CALR3: variants seen among roughly 807,000 people sequenced by gnomAD.
The protein encoded by CALR3 is calreticulin 3.
Under a neutral mutation model 48.7 loss-of-function variants are expected in CALR3, and 39 were observed. The ratio of observed to expected loss-of-function variants is 0.80; its 90% CI spans 0.62 to 1.05. The LOEUF is 1.05. Among genes scored for constraint, CALR3 ranks in the 50% least tolerant of loss-of-function variants. CALR3 has a pLI of 0.00. For missense variants in CALR3, 449 were observed against 474.7 expected (o/e 0.95, Z 0.50); for synonymous variants, 185 against 172.7 (o/e 1.07, Z -0.56).
chr19:16,486,541 A>C (rs539453084), intron 3 of CALR3, among the ~76,000 whole-genome samples: 18 of 149,704 alleles, frequency 1.2e-4, no homozygotes, highest in African/African-American at 4.2e-4. Flanking sequence ...AATGGCTTGA[A>C]CCTGGGAGGC....
intron 5 of CALR3, 112 bp from the exon 6 acceptor site, chr19:16,482,897 T>G: frequency 2.0e-6 from 2 of 983,560 alleles, no homozygotes; most frequent in Non-Finnish European, 3.1e-6. Context: ...CAGGCTGGAG[T>G]GCGGTTGTGC....
intron 3 of CALR3, among the ~76,000 whole-genome samples, chr19:16,487,282 C>G (rs924074433): frequency 6.6e-6 from 1 of 151,944 alleles, no homozygotes; most frequent in Admixed American, 6.6e-5. Flanking sequence ...AGGTCGAGAC[C>G]AGCCTGTCCA....
Position 16,480,600 on chromosome 19 carries a change from C to T in CALR3, c.1011+14G>A, listed in dbSNP as rs771528466. On this transcript the variant is annotated intron_variant, in intron 8 of 8. Coordinates refer to ENST00000269881, the MANE Select transcript of CALR3 (RefSeq NM_145046.5). ...AAATAGTGATGTAGGAAGAGTTAAT[C>T]ACGTGCTTCATACCTTGGTTTCGCC... 3 of 1,559,124 alleles carry T rather than the reference C, an allele frequency of 1.9e-6. No individual in the cohort carries two copies. Among genetic ancestry groups the T allele is most frequent in the Non-Finnish European group, 2.7e-6 (3 of 1,129,962 alleles).
intron 3 of CALR3, among the ~76,000 whole-genome samples, chr19:16,488,863 T>G (rs562197047): frequency 6.6e-6 from 1 of 152,306 alleles, no homozygotes; most frequent in East Asian, 1.9e-4. Context: ...GCAGGCTTTT[T>G]CTATAAAGGC....
At chr19:16,490,617 A>C in intron 2 of CALR3, 47 bp from the exon 3 acceptor site, 1 of 1,527,752 alleles carries the variant, frequency 6.5e-7, no homozygotes, top group Non-Finnish European at 9.1e-7. Flanking sequence ...ACGCTGCGCT[A>C]AGTAACGCAG....
In CALR3 at chr19:16,484,157, ATTTCTTTTTTCTTTTCT is replaced by A. The variant is rs770798077; in HGVS notation, c.493-59_493-43del. 2.5e-3 allele frequency: 3,411 copies of A among 1,382,568 alleles called. 43 individuals are homozygous for A. Among genetic ancestry groups the A allele is most frequent in the South Asian group, 7.6e-3 (594 of 77,790 alleles). The allele number at this position is 1,382,568 out of a possible 1,614,324, so 85.6% of individuals were successfully genotyped here. A position where few individuals can be genotyped will look rare whatever the true frequency, so the allele number is the denominator to read the frequency against. ...GAAAAGCGTAACAATTAAATCCTCA[ATTTCTTTTTTCTTTTCT>A]TTTCTTTTTTTTTTTTTTTTTGAGA... On this transcript the variant is annotated intron_variant, in intron 4 of 8. Transcript: ENST00000269881.
chr19:16,494,171 C>T (rs2093402166), intron 2 of CALR3, among the ~76,000 whole-genome samples: 1 of 152,230 alleles, frequency 6.6e-6, no homozygotes, highest in East Asian at 1.9e-4. Context: ...AACGATTCTT[C>T]TGCCTCAGCC....
chr19:16,495,638 T>C (rs2122153474), intron 2 of CALR3, 113 bp downstream of exon 2: 1 of 777,470 alleles, frequency 1.3e-6, no homozygotes, highest in Non-Finnish European at 2.3e-6. Context: ...TTTGCCTTAA[T>C]GTCTTCATCT....
intron 3 of CALR3, among the ~76,000 whole-genome samples, chr19:16,486,613 C>T (rs1185869768): frequency 3.9e-5 from 3 of 76,718 alleles, no homozygotes; most frequent in African/African-American, 5.0e-5. Context: ...GAGCAAGATT[C>T]TATCTCAAAA....
intron 4 of CALR3, 96 bp from the exon 5 acceptor site, chr19:16,484,211 TCTGTCG>T: frequency 8.4e-7 from 1 of 1,197,290 alleles, no homozygotes; most frequent in Non-Finnish European, 1.2e-6. Flanking sequence ...GGAGTCTCAC[TCTGTCG>T]CCCAGGTTGG....
chr19:16,491,610 C>G (rs1419144432), intron 2 of CALR3, among the ~76,000 whole-genome samples: 1 of 150,402 alleles, frequency 6.6e-6, no homozygotes, highest in African/African-American at 2.4e-5. Flanking sequence ...AACCCTATCT[C>G]TACTAAAAAT....
chr19:16,481,315 G>T (rs975968952), intron 7 of CALR3, among the ~76,000 whole-genome samples: 1 of 152,060 alleles, frequency 6.6e-6, no homozygotes, highest in Non-Finnish European at 1.5e-5. Flanking sequence ...GTTGTATTTT[G>T]CTCAGTAGTG....
In CALR3 at chr19:16,495,789, G is replaced by A; in HGVS notation, c.155C>T (p.Ser52Leu). ...TTTATGACCATAAAACTTGCCCGACGAAAGTCTAAAATGCCCAAATCGGGA... is the reference window on the plus strand; with the variant it reads ...TTTATGACCATAAAACTTGCCCGACAAAAGTCTAAAATGCCCAAATCGGGA... Reference protein sequence around the residue: ...NDSRFGHFRLSSGKFYGHKEK... With the variant: ...NDSRFGHFRLLSGKFYGHKEK... The change falls in exon 2 of 9, where the codon TCG becomes TTG. Residue 52 changes from serine to leucine, a missense_variant. Coordinates refer to ENST00000269881, the MANE Select transcript of CALR3 (RefSeq NM_145046.5). 6.2e-7 allele frequency: 1 copy of A among 1,614,092 alleles called. No homozygotes were observed. The highest frequency in any genetic ancestry group is 8.5e-7 in the Non-Finnish European group (1 of 1,179,994).
chr19:16,495,691 T>C, intron 2 of CALR3, 60 bp downstream of exon 2: 1 of 1,327,958 alleles, frequency 7.5e-7, no homozygotes, highest in South Asian at 1.2e-5. Flanking sequence ...CACAACTACC[T>C]AGAGAGGTTG....
At chr19:16,490,758 A>G (rs1036577830) in intron 2 of CALR3, among the ~76,000 whole-genome samples, 188 bp from the exon 3 acceptor site, 2 of 88,118 alleles carry the variant, frequency 2.3e-5, no homozygotes, top group Non-Finnish European at 5.2e-5. Flanking sequence ...CTCTGCTTCT[A>G]TATAATTTTT....
chr19:16,482,437 A>G lies in CALR3; in HGVS notation c.918+13T>C, dbSNP rs1195908805. On this transcript the variant is annotated intron_variant, in intron 7 of 8. Transcript: ENST00000269881. ...CACGCAAAAAATCTAAAGTAAAGTTAAAACCAAATGACCTGCCAAAGCTCC... is the reference window on the plus strand; with the variant it reads ...CACGCAAAAAATCTAAAGTAAAGTTGAAACCAAATGACCTGCCAAAGCTCC... 7 of 1,614,078 alleles carry G rather than the reference A, an allele frequency of 4.3e-6. No individual in the cohort carries two copies. In the East Asian group the frequency reaches 1.3e-4, roughly 31 times the overall value.
intron 3 of CALR3, among the ~76,000 whole-genome samples, chr19:16,487,105 G>A (rs182139670): frequency 6.6e-5 from 10 of 151,822 alleles, no homozygotes; most frequent in South Asian, 2.1e-4. Flanking sequence ...TCCTCGGCTC[G>A]GGGGATTCCC....
intron 3 of CALR3, among the ~76,000 whole-genome samples, chr19:16,489,845 CAA>C (rs1283052115): frequency 1.4e-5 from 2 of 145,980 alleles, no homozygotes; most frequent in Non-Finnish European, 3.0e-5. Flanking sequence ...AAAACAAAAA[CAA>C]AAACAAAAAC....
At position 16,479,211 on chromosome 19, in the gene CALR3, C is replaced by T; in HGVS notation, c.1075G>A (p.Glu359Lys). The change falls in exon 9 of 9, where the codon GAG becomes AAG. Residue 359 changes from glutamate (E) to lysine (K), a missense_variant. By Grantham distance (56) the Glu-to-Lys change is moderately conservative (BLOSUM62 1). Coordinates refer to ENST00000269881, the MANE Select transcript of CALR3 (RefSeq NM_145046.5). ...TTTCCCGACAGCAGCTCTTCCTCCT[C>T]TTCCTCGCGGGCCTTCTTCATTTCC... ...KEEMKKAREEEEEELLSGKIN... is the reference protein window; with the variant it reads ...KEEMKKAREEKEEELLSGKIN... The T allele has an allele frequency of 1.2e-6, 2 of 1,614,160 alleles. No homozygotes were observed. Among genetic ancestry groups the T allele is most frequent in the Non-Finnish European group, 1.7e-6 (2 of 1,180,032 alleles).
Sources: allele counts gnomAD v4.1 joint callset (sites outside exome capture counted in the v4.1 genomes callset), GRCh38; gene constraint gnomAD v4.1.1; transcripts MANE v1.5; gene names NCBI Gene and HGNC (gene_info 2026-07-23, HGNC 2026-07-21).